Variants in SUCLG2 observed in about 807,000 individuals in gnomAD.
SUCLG2 encodes succinate-CoA ligase GDP-forming subunit beta, also known as succinate--CoA ligase [GDP-forming] subunit beta, mitochondrial.
Under a neutral mutation model 47.9 loss-of-function variants are expected in SUCLG2, and 42 were observed. That is an observed-to-expected ratio of 0.88 (90% CI 0.69 to 1.14). The LOEUF is 1.14. SUCLG2 is among the 50% of genes most tolerant of loss of function. The pLI is 0.00. For synonymous variants in SUCLG2, 195 were observed against 197.3 expected (o/e 0.99, Z 0.10); for missense variants, 571 against 525.9 (o/e 1.09, Z -0.84).
chr3:67,429,862 T>A (rs945906124), intron 9 of SUCLG2, among the ~76,000 whole-genome samples: 2 of 152,116 alleles, frequency 1.3e-5, no homozygotes, highest in Non-Finnish European at 2.9e-5. Context: ...AAGGCCATTA[T>A]ATAATGGTAA....
intron 9 of SUCLG2, among the ~76,000 whole-genome samples, chr3:67,454,733 C>T (rs552899916): frequency 8.5e-5 from 13 of 152,176 alleles, no homozygotes; most frequent in African/African-American, 1.9e-4. Flanking sequence ...GAGGCCAAGG[C>T]GGGTGGATCA....
chr3:67,606,887 G>A (rs528055777), intron 2 of SUCLG2, among the ~76,000 whole-genome samples: 64 of 152,290 alleles, frequency 4.2e-4, no homozygotes, highest in African/African-American at 1.5e-3. Flanking sequence ...TGTTCCAGAA[G>A]AGAATGCATA....
intron 9 of SUCLG2, among the ~76,000 whole-genome samples, chr3:67,495,182 C>T (rs543058091): frequency 4.1e-4 from 62 of 152,218 alleles, no homozygotes; most frequent in African/African-American, 1.5e-3. Context: ...AGCATAGGAC[C>T]AGTCACTTCT....
At chr3:67,585,734 G>A (rs1228551519) in intron 2 of SUCLG2, among the ~76,000 whole-genome samples, 2 of 151,788 alleles carry the variant, frequency 1.3e-5, no homozygotes, top group Non-Finnish European at 2.9e-5. Flanking sequence ...AGGCTGAGGC[G>A]GGCAGATCAC....
exon 11 of SUCLG2, chr3:67,360,623 A>C (rs1417154831): frequency 3.3e-6 from 5 of 1,500,060 alleles, no homozygotes; most frequent in Non-Finnish European, 4.4e-6. Context: ...TTAGCAAAGT[A>C]AATCTTTAAC....
chr3:67,372,959 T>C (rs1701973586), downstream of SUCLG2, among the ~76,000 whole-genome samples: 1 of 152,162 alleles, frequency 6.6e-6, no homozygotes, highest in Non-Finnish European at 1.5e-5. Flanking sequence ...ACAGACAACA[T>C]GCACACAAAT....
intron 9 of SUCLG2, among the ~76,000 whole-genome samples, chr3:67,493,343 A>G (rs1343261707): frequency 2.0e-5 from 3 of 152,198 alleles, no homozygotes; most frequent in African/African-American, 7.2e-5. Flanking sequence ...CATTTTCCTG[A>G]TATAGCATGA....
intron 1 of SUCLG2, among the ~76,000 whole-genome samples, chr3:67,639,468 TC>T (rs1171020956): frequency 7.2e-6 from 1 of 139,266 alleles, no homozygotes; most frequent in Non-Finnish European, 1.5e-5. Flanking sequence ...CAGTGCTCCA[TC>T]CGCATGGCCT....
intron 4 of SUCLG2, among the ~76,000 whole-genome samples, chr3:67,523,239 A>G (rs1279305042): frequency 6.6e-6 from 1 of 152,244 alleles, no homozygotes; most frequent in Non-Finnish European, 1.5e-5. Flanking sequence ...CTAAAAAGCT[A>G]TAATGGAATG....
chr3:67,474,408 C>T (rs111439307), intron 9 of SUCLG2, among the ~76,000 whole-genome samples: 131 of 152,220 alleles, frequency 8.6e-4, no homozygotes, highest in Admixed American at 2.7e-3. Context: ...GCTACTTTTT[C>T]GCCGGTCTCA....
At chr3:67,585,902 G>A (rs1049423650) in intron 2 of SUCLG2, among the ~76,000 whole-genome samples, 1 of 147,484 alleles carries the variant, frequency 6.8e-6, no homozygotes, top group African/African-American at 2.5e-5. Context: ...AGGAGGTGGA[G>A]GTAGCAGTGA....
At chr3:67,406,255 A>G (rs1702805550) in intron 9 of SUCLG2, among the ~76,000 whole-genome samples, 1 of 152,226 alleles carries the variant, frequency 6.6e-6, no homozygotes, top group Admixed American at 6.5e-5. Flanking sequence ...CTGCTCAATA[A>G]AAAGTTATTA....
At chr3:67,476,312 C>G (rs562297192) in intron 9 of SUCLG2, among the ~76,000 whole-genome samples, 73 of 152,148 alleles carry the variant, frequency 4.8e-4, no homozygotes, top group African/African-American at 1.7e-3. Context: ...TGAATTCTGC[C>G]TCCTGTCCGA....
Position 67,445,941 on chromosome 3 carries a change from A to G in SUCLG2, c.1063-45090T>C, listed in dbSNP as rs1703916148. ...CCTTCAGCCATAGTTCATCCTTGTT[A>G]AGAATATGTTTATTCAACCTTGAGG... On this transcript the variant is annotated intron_variant, in intron 9 of 10. Coordinates refer to ENST00000307227, the MANE Select transcript of SUCLG2 (RefSeq NM_003848.4). 2.7e-5 allele frequency among the ~76,000 whole-genome samples: 2 copies of G among 74,418 alleles called. 1 individual carries two copies. 48.8% of individuals were successfully genotyped at this position (74,418 alleles called of 152,430 possible).
In SUCLG2 at chr3:67,479,292, A is replaced by AAG. The variant is rs549824997; in HGVS notation, c.1062+16505_1062+16506insCT. 1.4e-4 allele frequency among the ~76,000 whole-genome samples: 20 copies of AAG among 142,922 alleles called. No individual in the cohort carries two copies. The East Asian group carries it at 4.1e-3, about 29-fold the overall frequency. The allele number at this position is 142,922 out of a possible 152,430, so 93.8% of individuals were successfully genotyped here. ...GCTTGTACAAAGAGCCATCAAAGTA[A>AAG]AAAAAAAAAACAACAAAAGAAAACA... On this transcript the variant is annotated intron_variant, in intron 9 of 10. Coordinates refer to ENST00000307227, the MANE Select transcript of SUCLG2 (RefSeq NM_003848.4).
At chr3:67,602,894 G>T (rs1708449717) in intron 2 of SUCLG2, among the ~76,000 whole-genome samples, 1 of 152,140 alleles carries the variant, frequency 6.6e-6, no homozygotes, top group Admixed American at 6.5e-5. Flanking sequence ...TTACGAAAAA[G>T]AAATTGGGAG....
intron 2 of SUCLG2, among the ~76,000 whole-genome samples, chr3:67,553,058 C>T (rs1707059992): frequency 6.6e-6 from 1 of 152,176 alleles, no homozygotes; most frequent in Non-Finnish European, 1.5e-5. Context: ...AGTAAGACAG[C>T]CCATGCTTTT....
At chr3:67,561,006 C>T (rs993475997) in intron 2 of SUCLG2, among the ~76,000 whole-genome samples, 1 of 148,036 alleles carries the variant, frequency 6.8e-6, no homozygotes, top group African/African-American at 2.5e-5. Context: ...TTAATACTAA[C>T]GCAATTGTGT....
chr3:67,545,602 G>C (rs1378131383), intron 2 of SUCLG2, among the ~76,000 whole-genome samples: 1 of 152,158 alleles, frequency 6.6e-6, no homozygotes, highest in African/African-American at 2.4e-5. Flanking sequence ...AATGAACTTG[G>C]AAGAGTTTAT....
Sources: allele counts gnomAD v4.1 joint callset (sites outside exome capture counted in the v4.1 genomes callset), GRCh38; gene constraint gnomAD v4.1.1; transcripts MANE v1.5; gene names NCBI Gene and HGNC (gene_info 2026-07-23, HGNC 2026-07-21).